The following ACSS2 variants were observed in gnomAD, a reference collection of about 807,000 sequenced individuals.
ACSS2 encodes the protein acyl-CoA synthetase short chain family member 2, also known as acetyl-coenzyme A synthetase, cytoplasmic.
A neutral mutation model predicts 90.6 loss-of-function variants in ACSS2; 58 were observed. That is an observed-to-expected ratio of 0.64 (90% CI 0.52 to 0.80). The LOEUF is 0.80. Among genes scored for constraint, ACSS2 ranks in the 30% least tolerant of loss-of-function variants. The pLI, the probability that ACSS2 is intolerant of heterozygous loss-of-function variation, is 0.00. For synonymous variants in ACSS2, 300 were observed against 330.9 expected, an observed-to-expected ratio of 0.91 and a Z score of 1.01; for missense variants, 759 against 912.0, an observed-to-expected ratio of 0.83 and a Z score of 2.16.
chr20:34,899,082 G>A (rs1474719502), intron 2 of ACSS2, among the ~76,000 whole-genome samples: 1 of 152,180 alleles, frequency 6.6e-6, no homozygotes, highest in Non-Finnish European at 1.5e-5. Context: ...CGGCAGGGCC[G>A]GCCGGCTGCT....
Position 34,927,217 on chromosome 20 carries a change from A to G in ACSS2, c.*3A>G. ...ACCGCTGCCTGACCATCCAGTGAAC[A>G]TGATCCTGACCTTTACCTAGGATTC... is the stretch of plus-strand genomic sequence containing the variant. On this transcript the variant is annotated 3_prime_UTR_variant, in exon 18 of 18. Coordinates refer to ENST00000360596, the MANE Select transcript of ACSS2 (RefSeq NM_018677.4). This position sits in a 1 kb window ranked among gnomAD's most constrained non-coding sequence, Gnocchi z 4.2. 2 of 1,613,384 alleles carry G rather than the reference A, an allele frequency of 1.2e-6. No individual in the cohort carries two copies. Among genetic ancestry groups the G allele is most frequent in the Non-Finnish European group, 8.5e-7 (1 of 1,180,022 alleles).
At position 34,926,999 on chromosome 20, in the gene ACSS2, T is replaced by C. The variant is rs539755867; in HGVS notation, c.1978+48T>C. On this transcript the variant is annotated intron_variant, in intron 17 of 17. Transcript: ENST00000360596. ...ATTGGGATGGGCTGAGGCCTGGTGGTGGTGGGGTGTGCGTGGATGAAAGCC... is the reference window on the plus strand; with the variant it reads ...ATTGGGATGGGCTGAGGCCTGGTGGCGGTGGGGTGTGCGTGGATGAAAGCC... 9.3e-6 allele frequency: 15 copies of C among 1,613,858 alleles called. No homozygotes were observed. In the African/African-American group the frequency reaches 1.6e-4, roughly 17 times the overall value.
At chr20:34,923,230 C>T in intron 13 of ACSS2, 93 bp from the exon 14 acceptor site, 1 of 933,454 alleles carries the variant, frequency 1.1e-6, no homozygotes, top group Non-Finnish European at 1.7e-6. Context: ...GTACTTCATT[C>T]AGGACACTTT....
intron 7 of ACSS2, among the ~76,000 whole-genome samples, chr20:34,916,390 A>G (rs2147084497): frequency 6.6e-6 from 1 of 152,338 alleles, no homozygotes; most frequent in East Asian, 1.9e-4. Flanking sequence ...GGTTTTGTCA[A>G]TATATGTAAG....
chr20:34,902,103 T>C (rs76479038), intron 2 of ACSS2, among the ~76,000 whole-genome samples: 1 of 151,722 alleles, frequency 6.6e-6, no homozygotes, highest in Non-Finnish European at 1.5e-5. Context: ...AGTCTACTTT[T>C]CCCCATAATG....
intron 2 of ACSS2, among the ~76,000 whole-genome samples, chr20:34,899,892 G>A (rs1324504493): frequency 1.3e-5 from 2 of 152,148 alleles, no homozygotes; most frequent in African/African-American, 4.8e-5. Context: ...ATGTTTTTGT[G>A]TAGATGTATG....
rs565890354 is a variant in ACSS2 at position 34,927,140 on chromosome 20, G to A, written c.2032G>A (p.Gly678Arg). Reference protein sequence around the residue: ...RKIAQNDHDLGDMSTVADPSV... With the variant: ...RKIAQNDHDLRDMSTVADPSV... Reference sequence around the variant, plus strand: ...GATTGCTCAGAATGACCATGACCTCGGGGACATGTCTACTGTGGCTGACCC... The same window carrying A: ...GATTGCTCAGAATGACCATGACCTCAGGGACATGTCTACTGTGGCTGACCC... The change falls in exon 18 of 18, where the codon GGG becomes AGG. Residue 678 changes from glycine (G) to arginine (R), a missense_variant. Coordinates refer to ENST00000360596, the MANE Select transcript of ACSS2 (RefSeq NM_018677.4). This position sits in a 1 kb window ranked among gnomAD's most constrained non-coding sequence, Gnocchi z 4.2. 2.1e-5 allele frequency: 34 copies of A among 1,613,986 alleles called. No homozygotes were observed. The highest frequency in any genetic ancestry group is 2.2e-5 in the East Asian group (1 of 44,892).
At chr20:34,879,631 C>T (rs1299762415) in intron 1 of ACSS2, among the ~76,000 whole-genome samples, 1 of 152,072 alleles carries the variant, frequency 6.6e-6, no homozygotes, top group Non-Finnish European at 1.5e-5. Context: ...ACTCAGGAGG[C>T]TAAGGCACGA....
chr20:34,880,727 C>T (rs1369859977), intron 1 of ACSS2, among the ~76,000 whole-genome samples: 1 of 151,806 alleles, frequency 6.6e-6, no homozygotes, highest in Non-Finnish European at 1.5e-5. Flanking sequence ...TACTAGTTTT[C>T]TAGGTATATA....
chr20:34,881,198 T>A (rs2080065201), intron 1 of ACSS2, among the ~76,000 whole-genome samples: 1 of 151,190 alleles, frequency 6.6e-6, no homozygotes, highest in Admixed American at 6.6e-5. Context: ...GGCAATTTTT[T>A]TTTTTTTTTT....
chr20:34,882,770 T>C, intron 1 of ACSS2, 24 bp from the exon 2 acceptor site: 1 of 1,607,842 alleles, frequency 6.2e-7, no homozygotes, highest in Non-Finnish European at 8.5e-7. Flanking sequence ...ATTAATGATA[T>C]CTGGGCTTCC....
At chr20:34,925,043 A>G (rs2081287460) in intron 14 of ACSS2, among the ~76,000 whole-genome samples, 2 of 152,148 alleles carry the variant, frequency 1.3e-5, no homozygotes, top group Admixed American at 6.5e-5. Flanking sequence ...CTGTTTAGAA[A>G]ATAACTTTGC....
At chr20:34,926,671 C>T (rs761239332) in intron 16 of ACSS2, among the ~76,000 whole-genome samples, 6 of 152,078 alleles carry the variant, frequency 3.9e-5, no homozygotes, top group African/African-American at 9.7e-5. Flanking sequence ...CTAGCAGGCT[C>T]ATTCTACAGC....
chr20:34,920,610 T>C lies in ACSS2; in HGVS notation c.1044T>C (p.His348=), dbSNP rs766203761. 31 of 1,614,124 alleles carry C rather than the reference T, an allele frequency of 1.9e-5. No homozygotes were observed. In the East Asian group the frequency reaches 3.8e-4, roughly 20 times the overall value. Residue 348 remains histidine (H), a synonymous_variant, in exon 9 of 18, where the codon CAT becomes CAC. Coordinates refer to ENST00000360596, the MANE Select transcript of ACSS2 (RefSeq NM_018677.4). ...ATTFKYVFDF[H]AEDVFWCTAD... ...CCTTCAAGTATGTGTTTGACTTCCA[T>C]GCAGAGGATGTGTTCTGGTGCACGG...
At chr20:34,894,334 T>C (rs2080410781) in intron 2 of ACSS2, among the ~76,000 whole-genome samples, 1 of 151,458 alleles carries the variant, frequency 6.6e-6, no homozygotes, top group Non-Finnish European at 1.5e-5. Context: ...ATAAAAAATT[T>C]TAAAATTAGG....
At position 34,925,689 on chromosome 20, in the gene ACSS2, T is replaced by A; in HGVS notation, c.1658-9T>A. On this transcript the variant is annotated splice_polypyrimidine_tract_variant and intron_variant, in intron 14 of 17. Coordinates refer to ENST00000360596, the MANE Select transcript of ACSS2 (RefSeq NM_018677.4). The stretch of plus-strand genomic sequence containing the variant: ...GTTTTTATTTATTAGGTTTTGCATT[T>A]CTTCCCAGGCTGCCAGCGGGACCAG... The A allele has an allele frequency of 6.2e-7, 1 of 1,611,924 alleles. No individual in the cohort carries two copies. The highest frequency in any genetic ancestry group is 8.5e-7 in the Non-Finnish European group (1 of 1,179,110).
At chr20:34,878,073 A>G (rs976036111) in intron 1 of ACSS2, among the ~76,000 whole-genome samples, 1 of 152,166 alleles carries the variant, frequency 6.6e-6, no homozygotes. Flanking sequence ...AGCTGGGACT[A>G]CAGGCGGACG....
chr20:34,885,247 A>G (rs776023786), intron 2 of ACSS2, among the ~76,000 whole-genome samples: 10 of 152,174 alleles, frequency 6.6e-5, no homozygotes, highest in Admixed American at 2.0e-4. Context: ...AAAAGAGGAA[A>G]AAAAAGATCA....
chr20:34,927,324 A>T lies in ACSS2; in HGVS notation c.*110A>T. ...TGTTGACCCACACTACCCTCCCTTG[A>T]CCAGCTGTCTGGGACCGGAAACCAG... is the stretch of plus-strand genomic sequence containing the variant. On this transcript the variant is annotated 3_prime_UTR_variant, in exon 18 of 18. Coordinates refer to ENST00000360596, the MANE Select transcript of ACSS2 (RefSeq NM_018677.4). This position sits in a 1 kb window ranked among gnomAD's most constrained non-coding sequence, Gnocchi z 4.2. 4 of 1,444,210 alleles carry T rather than the reference A, an allele frequency of 2.8e-6. No homozygotes were observed. In the South Asian group the frequency reaches 4.8e-5, roughly 17 times the overall value. The allele number at this position is 1,444,210 out of a possible 1,614,324, so 89.5% of individuals were successfully genotyped here. A position where few individuals can be genotyped will look rare whatever the true frequency, so the allele number is the denominator to read the frequency against.
Sources: allele counts gnomAD v4.1 joint callset (sites outside exome capture counted in the v4.1 genomes callset), GRCh38; gene constraint gnomAD v4.1.1; non-coding constraint Gnocchi (gnomAD v3.1); transcripts MANE v1.5; gene names NCBI Gene and HGNC (gene_info 2026-07-23, HGNC 2026-07-21).